The following ATXN1 variants were observed in gnomAD, a reference collection of about 807,000 sequenced individuals.
ATXN1 encodes ataxin-1.
ATXN1 carries 8 observed loss-of-function variants against 56.4 expected under a neutral mutation model. The observed-to-expected ratio is 0.14, with a 90% CI of 0.08 to 0.26. The LOEUF (loss-of-function observed/expected upper bound fraction) is 0.26. Ranked by LOEUF, ATXN1 falls within the 10% of genes least tolerant of loss-of-function variation. ATXN1 has a pLI of 1.00. For synonymous variants in ATXN1, 514 were observed against 494.6 expected (o/e 1.04, Z -0.52); for missense variants, 987 against 1,106.5 (o/e 0.89, Z 1.53).
At chr6:16,759,546 T>TG (rs1403005258) in intron 1 of ATXN1, among the ~76,000 whole-genome samples, 3 of 148,482 alleles carry the variant, frequency 2.0e-5, no homozygotes, top group African/African-American at 5.0e-5. Context: ...TTTTTTTTTT[T>TG]TTTTTTTTTT....
chr6:16,752,148 T>C (rs622201), intron 2 of ATXN1, among the ~76,000 whole-genome samples: 96,505 of 152,096 alleles, frequency 0.63, 31,184 homozygotes, highest in East Asian at 0.83. Context: ...TCTGGTCAAT[T>C]ATTGTTTAAA....
At chr6:16,749,661 G>C (rs182415124) in intron 2 of ATXN1, among the ~76,000 whole-genome samples, 4 of 152,182 alleles carry the variant, frequency 2.6e-5, no homozygotes, top group Non-Finnish European at 5.9e-5. Context: ...ATCATGAAAA[G>C]AAGGCAGACG....
chr6:16,407,783 T>A (rs1411596961), intron 6 of ATXN1, among the ~76,000 whole-genome samples: 1 of 152,180 alleles, frequency 6.6e-6, no homozygotes, highest in African/African-American at 2.4e-5. Context: ...CATCTGGGCA[T>A]CTCTGGATAC....
intron 6 of ATXN1, among the ~76,000 whole-genome samples, chr6:16,349,381 T>C (rs1481916581): frequency 6.6e-6 from 1 of 152,086 alleles, no homozygotes; most frequent in Non-Finnish European, 1.5e-5. Flanking sequence ...CACGTGCCTG[T>C]AGTTCCAGCT....
intron 6 of ATXN1, among the ~76,000 whole-genome samples, chr6:16,451,466 A>G (rs558884037): frequency 6.6e-6 from 1 of 152,148 alleles, no homozygotes; most frequent in South Asian, 2.1e-4. Flanking sequence ...CTCCGTCTCA[A>G]AAAAAAAGGC....
intron 3 of ATXN1, among the ~76,000 whole-genome samples, chr6:16,621,182 C>T (rs975530574): frequency 3.3e-5 from 5 of 152,204 alleles, no homozygotes; most frequent in African/African-American, 1.2e-4. Flanking sequence ...GGCATAAAGA[C>T]ACATGCATTT....
chr6:16,692,011 C>T (rs1442023546), intron 2 of ATXN1, among the ~76,000 whole-genome samples: 1 of 152,224 alleles, frequency 6.6e-6, no homozygotes, highest in Non-Finnish European at 1.5e-5. Context: ...AGCCTGTAAT[C>T]CCAGCACTTT....
intron 6 of ATXN1, among the ~76,000 whole-genome samples, chr6:16,432,265 C>T (rs968144872): frequency 5.9e-5 from 9 of 152,156 alleles, no homozygotes; most frequent in Admixed American, 1.3e-4. Flanking sequence ...AGGGCTCTAC[C>T]ACCAGTACAT....
intron 6 of ATXN1, among the ~76,000 whole-genome samples, chr6:16,465,846 C>T (rs1012688985): frequency 2.0e-5 from 3 of 152,106 alleles, no homozygotes; most frequent in Non-Finnish European, 4.4e-5. Flanking sequence ...CTGCTAAGTC[C>T]GGGCCACATA....
intron 4 of ATXN1, among the ~76,000 whole-genome samples, chr6:16,540,171 T>C (rs1202673841): frequency 6.6e-6 from 1 of 152,186 alleles, no homozygotes; most frequent in Non-Finnish European, 1.5e-5. Flanking sequence ...TCACCAATAA[T>C]AAACATTATA....
chr6:16,547,371 G>A (rs1357663549), intron 4 of ATXN1, among the ~76,000 whole-genome samples: 1 of 152,114 alleles, frequency 6.6e-6, no homozygotes, highest in African/African-American at 2.4e-5. Flanking sequence ...CAAACCAGAG[G>A]AAATCTTGTC....
intron 2 of ATXN1, among the ~76,000 whole-genome samples, chr6:16,703,414 G>C (rs1759332678): frequency 1.3e-5 from 2 of 152,026 alleles, no homozygotes; most frequent in Non-Finnish European, 2.9e-5. Context: ...ACAACAACAT[G>C]GCACATGTAT....
intron 6 of ATXN1, among the ~76,000 whole-genome samples, chr6:16,456,210 C>G (rs145490433): frequency 1.3e-5 from 2 of 152,142 alleles, no homozygotes; most frequent in Non-Finnish European, 2.9e-5. Context: ...TTGAAGTCAG[C>G]GAGACCATGA....
intron 3 of ATXN1, among the ~76,000 whole-genome samples, chr6:16,614,490 C>T (rs1333323366): frequency 1.3e-5 from 2 of 151,368 alleles, no homozygotes; most frequent in Non-Finnish European, 2.9e-5. Flanking sequence ...ATCAAAGCGG[C>T]CAAAAAGGTT....
chr6:16,355,069 G>A (rs756028260), intron 6 of ATXN1, among the ~76,000 whole-genome samples: 13 of 152,080 alleles, frequency 8.5e-5, no homozygotes, highest in Non-Finnish European at 1.8e-4. Context: ...TTTTAATTAC[G>A]AAGTCCTCTA....
chr6:16,570,435 T>A (rs1762312056), intron 4 of ATXN1, among the ~76,000 whole-genome samples: 2 of 152,124 alleles, frequency 1.3e-5, no homozygotes, highest in Non-Finnish European at 2.9e-5. Context: ...TTTTTATTGG[T>A]CATTTTTCTC....
intron 6 of ATXN1, among the ~76,000 whole-genome samples, chr6:16,364,895 T>C (rs1280938616): frequency 6.6e-6 from 1 of 152,142 alleles, no homozygotes. Flanking sequence ...GAGCTTCCAG[T>C]CCACAAGGGG....
At chr6:16,402,348 A>C (rs1351642450) in intron 6 of ATXN1, among the ~76,000 whole-genome samples, 1 of 131,958 alleles carries the variant, frequency 7.6e-6, no homozygotes, top group Non-Finnish European at 1.5e-5. Context: ...CACATTATTG[A>C]CTGTTCTCCT....
chr6:16,645,730 T>C (rs1763788808), intron 3 of ATXN1, among the ~76,000 whole-genome samples: 1 of 152,218 alleles, frequency 6.6e-6, no homozygotes, highest in African/African-American at 2.4e-5. Flanking sequence ...TCAAATGAGA[T>C]GAAACATGCA....
Sources: allele counts gnomAD v4.1 joint callset (sites outside exome capture counted in the v4.1 genomes callset), GRCh38; gene constraint gnomAD v4.1.1; transcripts MANE v1.5; gene names NCBI Gene and HGNC (gene_info 2026-07-23, HGNC 2026-07-21).